Variants in PTN observed in about 807,000 individuals in gnomAD.
PTN encodes heparin affin regulatory protein.
In PTN, 18 loss-of-function variants were observed where a neutral mutation model predicts 24.1. That is an observed-to-expected ratio of 0.75 (90% confidence interval 0.52 to 1.11). PTN has a LOEUF of 1.11. Ranked by LOEUF, PTN falls within the 50% of genes least tolerant of loss-of-function variation. The pLI is 0.00. For synonymous variants in PTN, 78 were observed against 68.6 expected (o/e 1.14, Z -0.67); for missense variants, 163 against 198.8 (o/e 0.82, Z 1.08).
At chr7:137,315,350 CG>C (rs1179738173) in intron 1 of PTN, among the ~76,000 whole-genome samples, 62 of 146,396 alleles carry the variant, frequency 4.2e-4, no homozygotes, top group African/African-American at 1.1e-3. Context: ...AACACTTACA[CG>C]AAAAAAAAAA....
At chr7:137,326,231 T>C (rs532866032) in intron 1 of PTN, 5 of 152,202 alleles carry the variant, frequency 3.3e-5, no homozygotes, top group Non-Finnish European at 7.3e-5. Flanking sequence ...ACGTAGTTCA[T>C]GCTCAGTTCT....
At chr7:137,246,316 G>C (rs1808722826) in intron 4 of PTN, among the ~76,000 whole-genome samples, 1 of 152,116 alleles carries the variant, frequency 6.6e-6, no homozygotes, top group Non-Finnish European at 1.5e-5. Flanking sequence ...TGCAGCCTAG[G>C]AGCAATCGGC....
chr7:137,340,885 G>C (rs1183074189), intron 1 of PTN, among the ~76,000 whole-genome samples: 2 of 152,160 alleles, frequency 1.3e-5, no homozygotes, highest in East Asian at 3.9e-4. Flanking sequence ...CCTCCTTCCT[G>C]AGAGAAGTCA....
intron 1 of PTN, among the ~76,000 whole-genome samples, chr7:137,327,254 TG>T (rs1373545621): frequency 2.0e-5 from 3 of 152,222 alleles, no homozygotes; most frequent in African/African-American, 4.8e-5. Context: ...TCTTCTCTGT[TG>T]TGGAGAACCT....
intron 4 of PTN, among the ~76,000 whole-genome samples, chr7:137,244,685 G>A (rs888177420): frequency 2.6e-5 from 4 of 151,994 alleles, no homozygotes; most frequent in East Asian, 1.9e-4. Flanking sequence ...TTCAGATTAA[G>A]TGGGATTCCA....
intron 1 of PTN, among the ~76,000 whole-genome samples, chr7:137,260,269 G>A (rs560922457): frequency 2.4e-4 from 36 of 152,024 alleles, no homozygotes; most frequent in African/African-American, 3.4e-4. Context: ...ATAAACTCTC[G>A]TGAAATAGTA....
chr7:137,268,642 A>T (rs1171633684), intron 1 of PTN, among the ~76,000 whole-genome samples: 2 of 152,194 alleles, frequency 1.3e-5, no homozygotes, highest in Non-Finnish European at 2.9e-5. Flanking sequence ...ATCTGTAGAT[A>T]ACAACAGTTG....
At chr7:137,247,224 G>C (rs960871041) in intron 4 of PTN, among the ~76,000 whole-genome samples, 3 of 152,154 alleles carry the variant, frequency 2.0e-5, no homozygotes, top group Non-Finnish European at 2.9e-5. Context: ...CCCTATGTTT[G>C]TTGCAGCACT....
At chr7:137,332,197 A>C (rs1456010913) in intron 1 of PTN, among the ~76,000 whole-genome samples, 2 of 152,210 alleles carry the variant, frequency 1.3e-5, no homozygotes, top group African/African-American at 4.8e-5. Context: ...TATTTTTAAA[A>C]GTTACATCAG....
chr7:137,312,667 G>A (rs1810002825), intron 1 of PTN, among the ~76,000 whole-genome samples: 1 of 151,540 alleles, frequency 6.6e-6, no homozygotes, highest in African/African-American at 2.4e-5. Flanking sequence ...TCAACACCTG[G>A]TCCAAAAATA....
At chr7:137,284,170 G>A (rs1262067090) in intron 1 of PTN, among the ~76,000 whole-genome samples, 1 of 151,050 alleles carries the variant, frequency 6.6e-6, no homozygotes, top group Non-Finnish European at 1.5e-5. Context: ...GGGTTTCACC[G>A]TGGTCTCGAT....
intron 4 of PTN, 53 bp from the exon 5 acceptor site, chr7:137,228,128 T>C (rs1430326104): frequency 8.5e-7 from 1 of 1,173,550 alleles, no homozygotes; most frequent in Non-Finnish European, 1.3e-6. Context: ...AATGTCAAGT[T>C]ACTAAATTGC....
At chr7:137,241,571 G>T (rs1585007485) in intron 4 of PTN, among the ~76,000 whole-genome samples, 1 of 152,080 alleles carries the variant, frequency 6.6e-6, no homozygotes, top group South Asian at 2.1e-4. Flanking sequence ...TACTTACAGT[G>T]CTTCATTTTG....
chr7:137,272,559 T>A lies in PTN; in HGVS notation c.-1-17585A>T, dbSNP rs1442634147. Among the ~76,000 whole-genome samples the A allele has an allele frequency of 2.0e-5, 3 of 152,332 alleles. No individual in the cohort carries two copies. The East Asian group carries it at 5.8e-4, about 29-fold the overall frequency. ...CCTGAATGTGCACGTGGCATATTAT[T>A]GATTCCATAAAATGTGGCATATAAA... On this transcript the variant is annotated intron_variant, in intron 1 of 4. Transcript: ENST00000348225.
rs1411965528 is a variant in PTN, at chr7:137,227,684, G to C, written c.*336C>G. Reference sequence around the variant, plus strand: ...CCTAACAAGAGAAGTAGTTTACATAGTCATAACATTTAAATTGCTGCCCAA... The same window carrying C: ...CCTAACAAGAGAAGTAGTTTACATACTCATAACATTTAAATTGCTGCCCAA... On this transcript the variant is annotated 3_prime_UTR_variant, in exon 5 of 5. Transcript: ENST00000348225. 5.5e-6 allele frequency: 1 copy of C among 182,002 alleles called. No homozygotes were observed. Among genetic ancestry groups the C allele is most frequent in the Non-Finnish European group, 1.1e-5 (1 of 88,338 alleles). 11.3% of individuals were successfully genotyped at this position (182,002 alleles called of 1,614,324 possible).
intron 1 of PTN, among the ~76,000 whole-genome samples, chr7:137,283,198 A>G (rs984589007): frequency 3.3e-5 from 5 of 152,194 alleles, no homozygotes; most frequent in Non-Finnish European, 7.3e-5. Flanking sequence ...TTAGCTGGCA[A>G]AAAAATAGGT....
chr7:137,251,227 T>C lies in PTN; in HGVS notation c.451+3A>G. 5.6e-6 allele frequency: 9 copies of C among 1,613,968 alleles called. No homozygotes were observed. The highest frequency in any genetic ancestry group is 7.6e-6 in the Non-Finnish European group (9 of 1,179,832). On this transcript the variant is annotated splice_donor_region_variant and intron_variant, in intron 4 of 4. Transcript: ENST00000348225. Reference sequence around the variant, plus strand: ...AAATTGTGGTATAATGGCAAGGACTTACCTTGAGGTTTGGGCTTGGTCAGT... The same window carrying C: ...AAATTGTGGTATAATGGCAAGGACTCACCTTGAGGTTTGGGCTTGGTCAGT...
intron 1 of PTN, among the ~76,000 whole-genome samples, chr7:137,294,799 G>A (rs535450084): frequency 6.6e-6 from 1 of 152,276 alleles, no homozygotes; most frequent in South Asian, 2.1e-4. Flanking sequence ...ATTTGAAATA[G>A]TAATAAAGAT....
At chr7:137,238,790 C>T (rs576287431) in intron 4 of PTN, among the ~76,000 whole-genome samples, 71 of 152,236 alleles carry the variant, frequency 4.7e-4, no homozygotes, top group Middle Eastern at 3.4e-3. Context: ...TGCAGGCTAA[C>T]GGCTTAGTAT....
Sources: gnomAD v4.1 joint callset for allele counts (sites outside exome capture counted in the v4.1 genomes callset) on GRCh38, gnomAD v4.1.1 for gene constraint, MANE v1.5 for transcripts, NCBI Gene and HGNC (gene_info 2026-07-23, HGNC 2026-07-21) for gene names.